PSMD1: variants seen among roughly 807,000 people sequenced by gnomAD.
PSMD1 encodes the protein 26S proteasome non-ATPase regulatory subunit 1.
PSMD1 carries 18 observed loss-of-function variants against 119.0 expected under a neutral mutation model. The observed-to-expected ratio is 0.15, with a 90% CI of 0.10 to 0.22. The LOEUF (loss-of-function observed/expected upper bound fraction) is 0.22, where lower values mean the gene tolerates loss of function less well. PSMD1 is among the 10% of genes least tolerant of loss of function. PSMD1 has a pLI of 1.00. For synonymous variants in PSMD1, 374 were observed against 396.6 expected, an observed-to-expected ratio of 0.94 and a Z score of 0.68; for missense variants, 702 against 1,158.5, an observed-to-expected ratio of 0.61 and a Z score of 5.72.
chr2:231,108,342 C>T, intron 16 of PSMD1: 1 of 568,864 alleles, frequency 1.8e-6, no homozygotes, highest in Non-Finnish European at 3.1e-6. Flanking sequence ...TTATTTTCCT[C>T]ATGGAATAAT....
chr2:231,106,149 C>T (rs551342709), intron 16 of PSMD1, among the ~76,000 whole-genome samples: 2 of 151,506 alleles, frequency 1.3e-5, no homozygotes, highest in South Asian at 4.2e-4. Flanking sequence ...TCAAATTATA[C>T]ATCTCTTTAA....
intron 16 of PSMD1, among the ~76,000 whole-genome samples, chr2:231,093,865 G>A (rs559694070): frequency 1.5e-3 from 235 of 152,054 alleles, no homozygotes; most frequent in Non-Finnish European, 2.3e-3. Flanking sequence ...GATGTTCCAC[G>A]TGTGACAAAA....
At chr2:231,109,932 A>C (rs1005210713) in intron 16 of PSMD1, among the ~76,000 whole-genome samples, 11 of 152,194 alleles carry the variant, frequency 7.2e-5, no homozygotes, top group Admixed American at 3.9e-4. Flanking sequence ...CTAACTTCTT[A>C]GGGAAAACTA....
At chr2:231,101,541 G>A (rs770085928) in intron 16 of PSMD1, among the ~76,000 whole-genome samples, 1 of 152,224 alleles carries the variant, frequency 6.6e-6, no homozygotes, top group Non-Finnish European at 1.5e-5. Context: ...AGAGTTAAGA[G>A]AGGATTGACT....
chr2:231,127,397 C>T (rs1393134649), intron 16 of PSMD1, among the ~76,000 whole-genome samples: 2 of 152,168 alleles, frequency 1.3e-5, no homozygotes, highest in Non-Finnish European at 2.9e-5. Context: ...CTCTGTCACC[C>T]AGGCTGGAGT....
intron 16 of PSMD1, among the ~76,000 whole-genome samples, chr2:231,102,994 A>G (rs1263528787): frequency 6.6e-6 from 1 of 152,244 alleles, no homozygotes; most frequent in African/African-American, 2.4e-5. Context: ...TAAACTTTAG[A>G]AGAGATTTTC....
intron 11 of PSMD1, 69 bp downstream of exon 11, chr2:231,079,683 A>T (rs1559222069): frequency 9.9e-7 from 1 of 1,013,064 alleles, no homozygotes. Context: ...AAGAAAAAAT[A>T]ACAGTTTATT....
rs183607110 is a variant in PSMD1, at chr2:231,145,756, G to A, written c.1999-484G>A. Reference sequence around the variant, plus strand: ...AAAAATACAAAAATTAGCCGGGGGTGGTAGCATGCACTTGTAATCCCAGCT... The same window carrying A: ...AAAAATACAAAAATTAGCCGGGGGTAGTAGCATGCACTTGTAATCCCAGCT... On this transcript the variant is annotated intron_variant, in intron 17 of 24. Coordinates refer to ENST00000308696, the MANE Select transcript of PSMD1 (RefSeq NM_002807.4). 7.2e-3 allele frequency among the ~76,000 whole-genome samples: 1,088 copies of A among 151,796 alleles called. 16 individuals are homozygous for A. The highest frequency in any genetic ancestry group is 0.031 in the Middle Eastern group (9 of 294).
intron 10 of PSMD1, 45 bp downstream of exon 10, chr2:231,078,792 T>G (rs925289230): frequency 3.2e-6 from 1 of 314,996 alleles, no homozygotes; most frequent in African/African-American, 4.3e-5. Context: ...AATCTTTTTC[T>G]TTTTTTTTTT....
At chr2:231,115,474 G>T (rs930232286) in intron 16 of PSMD1, among the ~76,000 whole-genome samples, 2 of 152,116 alleles carry the variant, frequency 1.3e-5, no homozygotes, top group African/African-American at 4.8e-5. Flanking sequence ...AAGAATAAAT[G>T]ATTGGGACTT....
intron 16 of PSMD1, among the ~76,000 whole-genome samples, chr2:231,112,932 G>A (rs1695203574): frequency 6.6e-6 from 1 of 152,030 alleles, no homozygotes; most frequent in Admixed American, 6.5e-5. Context: ...TGGGAGGCTG[G>A]GGCAGGGGGA....
At chr2:231,143,187 G>GGGTTTGGTTTGGTTT (rs3035542) in intron 17 of PSMD1, among the ~76,000 whole-genome samples, 1 of 145,178 alleles carries the variant, frequency 6.9e-6, no homozygotes, top group African/African-American at 2.6e-5. Flanking sequence ...GGAACGTTGT[G>GGGTTTGGTTTGGTTT]GGTTTGGTTT....
At chr2:231,139,314 C>CTTTTTTTTTTTTT (rs60709158) in intron 17 of PSMD1, among the ~76,000 whole-genome samples, 242 of 93,506 alleles carry the variant, frequency 2.6e-3, no homozygotes, top group Non-Finnish European at 3.4e-3. Context: ...TTTTTTCTTT[C>CTTTTTTTTTTTTT]TTTTTTTTTT....
Position 231,072,385 on chromosome 2 carries a change from C to A in PSMD1, c.851C>A (p.Thr284Lys), listed in dbSNP as rs762557685. 3.7e-6 allele frequency: 6 copies of A among 1,613,272 alleles called. No homozygotes were observed. Among genetic ancestry groups the A allele is most frequent in the Non-Finnish European group, 5.1e-6 (6 of 1,179,240 alleles). Reference protein sequence around the residue: ...PIASVPGSTNTGTVPGSEKDS... With the variant: ...PIASVPGSTNKGTVPGSEKDS... ...GCTTCTGTGCCTGGATCCACTAATA[C>A]GGGTACTGTTCCGGGATCAGAGAAA... is the stretch of plus-strand genomic sequence containing the variant. Residue 284 changes from threonine (T) to lysine (K), a missense_variant, in exon 7 of 25, where the codon ACG (threonine) becomes AAG (lysine). Coordinates refer to ENST00000308696, the MANE Select transcript of PSMD1 (RefSeq NM_002807.4).
Position 231,165,141 on chromosome 2 carries a change from G to T in PSMD1, c.2482-59G>T, listed in dbSNP as rs1390858808. 1.8e-5 allele frequency: 24 copies of T among 1,326,652 alleles called. No homozygotes were observed. In the African/African-American group the frequency reaches 3.0e-4, roughly 16 times the overall value. The allele number at this position is 1,326,652 out of a possible 1,614,324, so 82.2% of individuals were successfully genotyped here. A position where few individuals can be genotyped will look rare whatever the true frequency, so the allele number is the denominator to read the frequency against. ...GTGTTGTAGGACTGAGTTCTCTAGGGCTTGCATGTTTGTATGTCAGTAAGG... is the reference window on the plus strand; with the variant it reads ...GTGTTGTAGGACTGAGTTCTCTAGGTCTTGCATGTTTGTATGTCAGTAAGG... On this transcript the variant is annotated intron_variant, in intron 21 of 24. Transcript: ENST00000308696.
At chr2:231,088,614 G>A (rs543598048) in intron 16 of PSMD1, among the ~76,000 whole-genome samples, 1 of 152,236 alleles carries the variant, frequency 6.6e-6, no homozygotes, top group East Asian at 1.9e-4. Context: ...CCACACCCAT[G>A]TAAAACAGCA....
chr2:231,099,311 A>G (rs1043048915), intron 16 of PSMD1, among the ~76,000 whole-genome samples: 2 of 152,216 alleles, frequency 1.3e-5, no homozygotes, highest in African/African-American at 2.4e-5. Flanking sequence ...GGCATAGCCT[A>G]GTTCTTCCTG....
At chr2:231,157,189 C>G (rs1346828994) in intron 19 of PSMD1, among the ~76,000 whole-genome samples, 1 of 151,934 alleles carries the variant, frequency 6.6e-6, no homozygotes, top group Non-Finnish European at 1.5e-5. Context: ...ATTTGGGTTA[C>G]TTGTTAAGAA....
At chr2:231,089,162 G>A (rs918596142) in intron 16 of PSMD1, among the ~76,000 whole-genome samples, 2 of 152,222 alleles carry the variant, frequency 1.3e-5, no homozygotes, top group Non-Finnish European at 2.9e-5. Context: ...CTTGGTTCAT[G>A]AAGTTTGGGG....
Sources: allele counts gnomAD v4.1 joint callset (sites outside exome capture counted in the v4.1 genomes callset), GRCh38; gene constraint gnomAD v4.1.1; transcripts MANE v1.5; gene names NCBI Gene and HGNC (gene_info 2026-07-23, HGNC 2026-07-21).